Variants in RARB observed in about 807,000 individuals in gnomAD.
RARB encodes the protein HBV-activated protein.
RARB carries 17 observed loss-of-function variants against 51.9 expected under a neutral mutation model. The observed-to-expected ratio is 0.33, with a 90% CI of 0.22 to 0.49. The LOEUF (loss-of-function observed/expected upper bound fraction) is 0.49, where lower values mean the gene tolerates loss of function less well. Among genes scored for constraint, RARB ranks in the 20% least tolerant of loss-of-function variants. RARB has a pLI of 0.99. For missense variants in RARB, 369 were observed against 550.8 expected (o/e 0.67, Z 3.30); for synonymous variants, 215 against 195.4 (o/e 1.10, Z -0.84).
intron 3 of RARB, among the ~76,000 whole-genome samples, chr3:25,534,853 T>C (rs1699073207): frequency 6.6e-6 from 1 of 152,202 alleles, no homozygotes; most frequent in African/African-American, 2.4e-5. Flanking sequence ...AGTTCCAGCT[T>C]CTGCTGAGGA....
rs530388484 is a variant in RARB, at chr3:25,464,873, T to C, written c.306+3532T>C. Among the ~76,000 whole-genome samples, 12 of 152,296 alleles carry C rather than the reference T, an allele frequency of 7.9e-5. 1 individual carries two copies. In the South Asian group the frequency reaches 2.1e-3, roughly 26 times the overall value. The stretch of plus-strand genomic sequence containing the variant: ...CTGGTTTTAACTTAATCTTTAATAA[T>C]ATTTTATGACCCAAATTTAAGCAAC... On this transcript the variant is annotated intron_variant, in intron 2 of 7. Coordinates refer to ENST00000330688, the MANE Select transcript of RARB (RefSeq NM_000965.5).
intron 2 of RARB, among the ~76,000 whole-genome samples, chr3:24,916,382 C>A (rs1695106199): frequency 6.6e-6 from 1 of 152,132 alleles, no homozygotes; most frequent in Non-Finnish European, 1.5e-5. Flanking sequence ...TGTCTCCTGA[C>A]CAATGAGGCT....
intron 2 of RARB, among the ~76,000 whole-genome samples, chr3:25,496,488 C>T (rs1263165452): frequency 3.3e-5 from 5 of 152,138 alleles, no homozygotes; most frequent in Admixed American, 3.3e-4. Flanking sequence ...GCATGAGTAT[C>T]GGCAAGGAAG....
chr3:24,982,435 C>T (rs1437514280), intron 2 of RARB, among the ~76,000 whole-genome samples: 3 of 152,168 alleles, frequency 2.0e-5, no homozygotes, highest in Non-Finnish European at 4.4e-5. Context: ...TCAGACTGTC[C>T]TTTTGCCTTT....
At chr3:24,993,537 TCTC>T (rs1445018563) in intron 2 of RARB, among the ~76,000 whole-genome samples, 2 of 152,192 alleles carry the variant, frequency 1.3e-5, no homozygotes, top group African/African-American at 4.8e-5. Context: ...CATTCGATAT[TCTC>T]CTTCTGGCTA....
At chr3:25,067,683 G>T (rs62228540) in intron 3 of RARB, among the ~76,000 whole-genome samples, 4 of 152,086 alleles carry the variant, frequency 2.6e-5, no homozygotes, top group Non-Finnish European at 5.9e-5. Context: ...ATCTTCCTTT[G>T]CAAACCCCCT....
At chr3:25,504,937 T>C (rs1301100987) in intron 3 of RARB, among the ~76,000 whole-genome samples, 1 of 152,094 alleles carries the variant, frequency 6.6e-6, no homozygotes. Flanking sequence ...TTTGTATCTT[T>C]AGTAGAGATG....
At chr3:25,127,929 A>G (rs1699887861) in intron 3 of RARB, among the ~76,000 whole-genome samples, 1 of 152,086 alleles carries the variant, frequency 6.6e-6, no homozygotes, top group East Asian at 1.9e-4. Context: ...AAAAGCCACC[A>G]TTTGGGTACA....
intron 2 of RARB, among the ~76,000 whole-genome samples, chr3:24,899,322 C>CACTCAAGCCT (rs1703546610): frequency 6.6e-6 from 1 of 152,080 alleles, no homozygotes. Flanking sequence ...GATTCTGTGG[C>CACTCAAGCCT]GTATTCACAG....
At chr3:24,908,855 C>G (rs1307302356) in intron 2 of RARB, among the ~76,000 whole-genome samples, 4 of 151,828 alleles carry the variant, frequency 2.6e-5, no homozygotes, top group Non-Finnish European at 5.9e-5. Context: ...TAAATTTTTT[C>G]CCCAGTTTCC....
At chr3:25,421,559 G>C (rs535558329) in intron 5 of RARB, among the ~76,000 whole-genome samples, 3 of 151,570 alleles carry the variant, frequency 2.0e-5, no homozygotes, top group African/African-American at 7.3e-5. Context: ...TTACAGGTGC[G>C]TGCCACCATG....
At chr3:25,518,500 A>G (rs1275259114) in intron 3 of RARB, among the ~76,000 whole-genome samples, 1 of 152,112 alleles carries the variant, frequency 6.6e-6, no homozygotes, top group Non-Finnish European at 1.5e-5. Flanking sequence ...CCAGGTAGTT[A>G]GTTATTCAAT....
intron 4 of RARB, among the ~76,000 whole-genome samples, chr3:25,165,423 G>C (rs901424087): frequency 6.6e-5 from 10 of 152,112 alleles, no homozygotes; most frequent in African/African-American, 2.4e-4. Flanking sequence ...TGATAGGATA[G>C]ATGGGTCAAC....
rs1701063491 is a variant in RARB, at chr3:25,579,045, C to T, written c.610-1501C>T. Among the ~76,000 whole-genome samples, 3 of 152,252 alleles carry T rather than the reference C, an allele frequency of 2.0e-5. No homozygotes were observed. In the South Asian group the frequency reaches 6.2e-4, roughly 32 times the overall value. On this transcript the variant is annotated intron_variant, in intron 4 of 7. Transcript: ENST00000330688. ...TGCAAACGAAAGTAAAGCATCAGTG[C>T]CATTATTACCATCCTAAAATAAAAT...
At chr3:24,937,291 T>C (rs1695565883) in intron 2 of RARB, among the ~76,000 whole-genome samples, 1 of 152,132 alleles carries the variant, frequency 6.6e-6, no homozygotes, top group Non-Finnish European at 1.5e-5. Context: ...TCAATGTATG[T>C]TAGAGAATTC....
At chr3:25,449,486 C>T (rs1487676050) in intron 1 of RARB, among the ~76,000 whole-genome samples, 1 of 152,112 alleles carries the variant, frequency 6.6e-6, no homozygotes, top group Non-Finnish European at 1.5e-5. Flanking sequence ...CTGACTTAGA[C>T]GTACCCTGCA....
chr3:24,861,594 TAAAAAAA>T (rs3057186), intron 2 of RARB, among the ~76,000 whole-genome samples: 237 of 137,824 alleles, frequency 1.7e-3, no homozygotes, highest in South Asian at 3.1e-3. Context: ...TAACTTGTTA[TAAAAAAA>T]AAAAAAAAAA....
chr3:25,056,726 C>T (rs1344666003), intron 2 of RARB, among the ~76,000 whole-genome samples: 9 of 151,982 alleles, frequency 5.9e-5, no homozygotes, highest in Admixed American at 5.9e-4. Context: ...ATAATTCAAC[C>T]CTTATTTTGG....
At chr3:25,569,586 C>T (rs534270089) in intron 3 of RARB, among the ~76,000 whole-genome samples, 172 bp from the exon 4 acceptor site, 16 of 152,326 alleles carry the variant, frequency 1.1e-4, no homozygotes, top group Admixed American at 6.5e-4. Context: ...GCCGGGGTCC[C>T]GCGGCTGCCA....
Sources: gnomAD v4.1 joint callset for allele counts (sites outside exome capture counted in the v4.1 genomes callset) on GRCh38, gnomAD v4.1.1 for gene constraint, MANE v1.5 for transcripts, NCBI Gene and HGNC (gene_info 2026-07-23, HGNC 2026-07-21) for gene names.